Variants in PCDH15 observed in about 807,000 individuals in gnomAD.
PCDH15 encodes the protein protocadherin-15.
A neutral mutation model predicts 178.5 loss-of-function variants in PCDH15; 129 were observed. The ratio of observed to expected loss-of-function variants is 0.72; its 90% CI spans 0.63 to 0.84. The LOEUF (loss-of-function observed/expected upper bound fraction) is 0.84, where lower values mean the gene tolerates loss of function less well. Ranked by LOEUF, PCDH15 falls within the 40% of genes least tolerant of loss-of-function variation. The probability of loss-of-function intolerance (pLI) is 0.00; values close to 1 mark genes in which losing one functional copy is unlikely to be tolerated. For synonymous variants in PCDH15, 800 were observed against 732.0 expected, an observed-to-expected ratio of 1.09 and a Z score of -1.50; for missense variants, 2,230 against 2,099.9, an observed-to-expected ratio of 1.06 and a Z score of -1.21.
intron 3 of PCDH15, among the ~76,000 whole-genome samples, chr10:54,491,379 C>T (rs1016458476): frequency 1.3e-5 from 2 of 148,176 alleles, no homozygotes; most frequent in African/African-American, 5.0e-5. Flanking sequence ...CAAATTCACA[C>T]AGTTAACAAC....
intron 21 of PCDH15, among the ~76,000 whole-genome samples, chr10:53,977,080 A>G (rs2090243260): frequency 6.6e-6 from 1 of 151,720 alleles, no homozygotes; most frequent in East Asian, 1.9e-4. Flanking sequence ...TGCAATATAA[A>G]CCCCTGATTT....
chr10:55,241,030 C>T (rs1056343063), intron 1 of PCDH15, among the ~76,000 whole-genome samples: 12 of 152,296 alleles, frequency 7.9e-5, no homozygotes, highest in African/African-American at 2.9e-4. Flanking sequence ...TCCTGGCTAA[C>T]ACAGTGAAAC....
upstream of PCDH15, among the ~76,000 whole-genome samples, chr10:54,804,343 T>C (rs1043683294): frequency 5.3e-5 from 8 of 152,172 alleles, no homozygotes; most frequent in Admixed American, 2.6e-4. Flanking sequence ...CTGCCAGCTG[T>C]CAAAATTTTA....
chr10:54,307,032 G>A (rs182922562), intron 8 of PCDH15, among the ~76,000 whole-genome samples: 2,109 of 23,420 alleles, frequency 0.09, 177 homozygotes, highest in African/African-American at 0.12. Flanking sequence ...ATATATATGT[G>A]TGTGTGTGTA....
At chr10:54,829,787 C>A (rs570442716) in intron 3 of PCDH15, among the ~76,000 whole-genome samples, 3 of 152,190 alleles carry the variant, frequency 2.0e-5, no homozygotes, top group East Asian at 1.9e-4. Context: ...TTATGAATAA[C>A]CCCTGCTTTT....
At chr10:54,096,119 G>A (rs912079288) in intron 15 of PCDH15, among the ~76,000 whole-genome samples, 1 of 151,888 alleles carries the variant, frequency 6.6e-6, no homozygotes, top group Non-Finnish European at 1.5e-5. Flanking sequence ...ACAAACTATA[G>A]AATCATAATT....
At chr10:54,634,572 C>T (rs951888253) in intron 2 of PCDH15, among the ~76,000 whole-genome samples, 11 of 151,864 alleles carry the variant, frequency 7.2e-5, no homozygotes, top group Non-Finnish European at 1.3e-4. Flanking sequence ...GAATATGAGG[C>T]AGGCTCTGCA....
intron 32 of PCDH15, among the ~76,000 whole-genome samples, chr10:53,824,205 A>T (rs952327196): frequency 5.9e-5 from 9 of 152,208 alleles, no homozygotes; most frequent in Middle Eastern, 3.4e-3. Flanking sequence ...AAACTGAATC[A>T]TAGGTAGTTG....
chr10:55,586,393 C>T (rs1353367768), intron 2 of PCDH15, among the ~76,000 whole-genome samples: 40 of 152,016 alleles, frequency 2.6e-4, no homozygotes. Context: ...ATGCAAGCTA[C>T]CAGTTCCTTG....
chr10:55,087,454 G>T (rs1175219361), intron 2 of PCDH15, among the ~76,000 whole-genome samples: 2 of 152,170 alleles, frequency 1.3e-5, no homozygotes, highest in Admixed American at 1.3e-4. Flanking sequence ...GACATACCAG[G>T]TTGACAGGTG....
chr10:54,062,025 G>C (rs2094026097), intron 18 of PCDH15, among the ~76,000 whole-genome samples: 1 of 151,904 alleles, frequency 6.6e-6, no homozygotes. Flanking sequence ...AGAAGTTCAA[G>C]ATCAGCCTGG....
At chr10:53,936,125 A>C (rs1674920229) in intron 25 of PCDH15, among the ~76,000 whole-genome samples, 1 of 152,152 alleles carries the variant, frequency 6.6e-6, no homozygotes, top group African/African-American at 2.4e-5. Flanking sequence ...GGCTTCAGAA[A>C]TGTGGTTTCT....
intron 26 of PCDH15, among the ~76,000 whole-genome samples, chr10:53,869,790 A>T (rs2079705371): frequency 6.6e-6 from 1 of 152,086 alleles, no homozygotes; most frequent in African/African-American, 2.4e-5. Context: ...AAAAAAAAAA[A>T]TTACCCATAT....
chr10:54,203,023 G>A (rs1234946821), intron 10 of PCDH15, among the ~76,000 whole-genome samples: 2 of 152,138 alleles, frequency 1.3e-5, no homozygotes, highest in South Asian at 2.1e-4. Flanking sequence ...CTATTGGTTA[G>A]GGCTATTGGT....
intron 14 of PCDH15, among the ~76,000 whole-genome samples, chr10:54,135,933 A>G (rs2042866854): frequency 6.6e-6 from 1 of 152,220 alleles, no homozygotes; most frequent in South Asian, 2.1e-4. Flanking sequence ...GTACATGTAT[A>G]CATATATATG....
At chr10:54,945,463 T>A (rs1011068265) in intron 2 of PCDH15, among the ~76,000 whole-genome samples, 14 of 98,464 alleles carry the variant, frequency 1.4e-4, no homozygotes, top group Non-Finnish European at 2.6e-4. Context: ...TATTTTGCCT[T>A]TTTTTTTTGG....
intron 2 of PCDH15, among the ~76,000 whole-genome samples, chr10:55,607,775 C>CA (rs1372814927): frequency 1.4e-5 from 2 of 142,890 alleles, no homozygotes; most frequent in Non-Finnish European, 3.0e-5. Context: ...GGAGGGATAG[C>CA]ATTGGGAGAT....
At chr10:54,924,753 A>G (rs1043271706) in intron 2 of PCDH15, among the ~76,000 whole-genome samples, 3 of 152,150 alleles carry the variant, frequency 2.0e-5, no homozygotes, top group African/African-American at 4.8e-5. Flanking sequence ...TCTTTTAAAA[A>G]GTGTCTGTTC....
intron 1 of PCDH15, among the ~76,000 whole-genome samples, chr10:54,715,586 G>T (rs2095471088): frequency 6.6e-6 from 1 of 152,100 alleles, no homozygotes; most frequent in Admixed American, 6.6e-5. Flanking sequence ...CGATATGGGT[G>T]CAGTGGAACA....
Sources: gnomAD v4.1 joint callset for allele counts (sites outside exome capture counted in the v4.1 genomes callset) on GRCh38, gnomAD v4.1.1 for gene constraint, MANE v1.5 for transcripts, NCBI Gene and HGNC (gene_info 2026-07-23, HGNC 2026-07-21) for gene names.